The following PIEZO2 variants were observed in gnomAD, a reference collection of about 807,000 sequenced individuals.
The protein encoded by PIEZO2 is piezo-type mechanosensitive ion channel component 2.
In PIEZO2, 172 loss-of-function variants were observed where a neutral mutation model predicts 337.3. The observed-to-expected ratio is 0.51, with a 90% CI of 0.45 to 0.58. The LOEUF (loss-of-function observed/expected upper bound fraction) is 0.58. Among genes scored for constraint, PIEZO2 ranks in the 20% least tolerant of loss-of-function variants. The pLI is 0.00. For synonymous variants in PIEZO2, 1,251 were observed against 1,228.5 expected, an observed-to-expected ratio of 1.02 and a Z score of -0.38; for missense variants, 3,028 against 3,391.3, an observed-to-expected ratio of 0.89 and a Z score of 2.66.
chr18:10,979,808 A>G lies in PIEZO2; in HGVS notation c.161-148T>C. On this transcript the variant is annotated intron_variant, in intron 2 of 55. Transcript: ENST00000674853. The surrounding 1 kb of genome is among the most constrained non-coding windows in gnomAD (Gnocchi z 4.0). ...TAATTATCATCTTAATTATTAGTCT[A>G]TAGCTAAATGGTATCTTATTCCCTT... 1.5e-6 allele frequency: 1 copy of G among 677,430 alleles called. No individual in the cohort carries two copies. Among genetic ancestry groups the G allele is most frequent in the Non-Finnish European group, 2.2e-6 (1 of 460,554 alleles). The allele number at this position is 677,430 out of a possible 1,614,324, so 42.0% of individuals were successfully genotyped here.
chr18:11,142,376 G>C (rs2040678362), intron 1 of PIEZO2, among the ~76,000 whole-genome samples: 1 of 152,190 alleles, frequency 6.6e-6, no homozygotes, highest in African/African-American at 2.4e-5. Flanking sequence ...TCACGATGTT[G>C]AGTATGTACT....
In PIEZO2 at chr18:10,682,658, G is replaced by GT. The variant is rs1567943225; in HGVS notation, c.7498-367_7498-366insA. The stretch of plus-strand genomic sequence containing the variant: ...TCTGGTTTTAAGGGATTATGTGAGA[G>GT]AAAGATACTTTACTTTCAATTCCTG... On this transcript the variant is annotated intron_variant, in intron 49 of 55. Coordinates refer to ENST00000674853, the MANE Select transcript of PIEZO2 (RefSeq NM_001378183.1). This position sits in a 1 kb window ranked among gnomAD's most constrained non-coding sequence, Gnocchi z 5.6. 2.6e-5 allele frequency among the ~76,000 whole-genome samples: 4 copies of GT among 152,208 alleles called. No homozygotes were observed. Among genetic ancestry groups the GT allele is most frequent in the Non-Finnish European group, 5.9e-5 (4 of 68,044 alleles).
intron 2 of PIEZO2, among the ~76,000 whole-genome samples, chr18:11,043,992 C>T (rs1468311452): frequency 6.6e-6 from 1 of 151,850 alleles, no homozygotes; most frequent in African/African-American, 2.4e-5. Flanking sequence ...AAAAAGAATA[C>T]CATTGTAAGT....
intron 35 of PIEZO2, among the ~76,000 whole-genome samples, chr18:10,732,238 C>T (rs745699300): frequency 2.0e-5 from 3 of 152,084 alleles, no homozygotes; most frequent in Non-Finnish European, 4.4e-5. Context: ...GCAGAAAGAA[C>T]AAAAAGAAAA....
At chr18:11,084,285 T>C (rs1043329396) in intron 1 of PIEZO2, among the ~76,000 whole-genome samples, 1 of 152,154 alleles carries the variant, frequency 6.6e-6, no homozygotes, top group African/African-American at 2.4e-5. Context: ...TTATCATCCT[T>C]TGTTGAATCA....
In PIEZO2 at chr18:10,828,353, A is replaced by G. The variant is rs1158003249; in HGVS notation, c.918-21079T>C. On this transcript the variant is annotated intron_variant, in intron 7 of 55. Coordinates refer to ENST00000674853, the MANE Select transcript of PIEZO2 (RefSeq NM_001378183.1). The surrounding 1 kb of genome is among the most constrained non-coding windows in gnomAD (Gnocchi z 4.1). ...ATGCCCACTAACTAACCTGGACATC[A>G]GACAACGAACCTCTTCAGAATGAGA... Among the ~76,000 whole-genome samples, 1 of 152,200 alleles carries G rather than the reference A, an allele frequency of 6.6e-6. No homozygotes were observed. The highest frequency in any genetic ancestry group is 2.4e-5 in the African/African-American group (1 of 41,458).
chr18:10,839,540 G>A (rs1488058946), intron 7 of PIEZO2, among the ~76,000 whole-genome samples: 1 of 151,858 alleles, frequency 6.6e-6, no homozygotes, highest in African/African-American at 2.4e-5. Flanking sequence ...TCCTCCCATA[G>A]AATTACTTTG....
At chr18:11,124,515 T>G (rs146824590) in intron 1 of PIEZO2, among the ~76,000 whole-genome samples, 1 of 152,324 alleles carries the variant, frequency 6.6e-6, no homozygotes, top group African/African-American at 2.4e-5. Context: ...ACGTGCCGAA[T>G]GGTCAGCACC....
chr18:10,975,801 T>C (rs1598769966), intron 3 of PIEZO2, among the ~76,000 whole-genome samples: 1 of 152,190 alleles, frequency 6.6e-6, no homozygotes, highest in East Asian at 1.9e-4. Context: ...AAATGAGCGC[T>C]TGGTGGTCTT....
In PIEZO2 at chr18:10,846,713, C is replaced by T. The variant is rs2041376690; in HGVS notation, c.917+8640G>A. Among the ~76,000 whole-genome samples, 1 of 152,074 alleles carries T rather than the reference C, an allele frequency of 6.6e-6. No homozygotes were observed. Among genetic ancestry groups the T allele is most frequent in the African/African-American group, 2.4e-5 (1 of 41,396 alleles). On this transcript the variant is annotated intron_variant, in intron 7 of 55. Transcript: ENST00000674853. This position sits in a 1 kb window ranked among gnomAD's most constrained non-coding sequence, Gnocchi z 4.1. ...AATTGCCTACAAGATAATTTTCCTT[C>T]CTTATAAAGGAAGATGGAAGGTTCT...
rs1568056934 is a variant in PIEZO2, at chr18:10,787,103, T to C, written c.2251A>G (p.Ile751Val). 6.5e-7 allele frequency: 1 copy of C among 1,535,726 alleles called. No individual in the cohort carries two copies. Among genetic ancestry groups the C allele is most frequent in the South Asian group, 1.2e-5 (1 of 83,918 alleles). The stretch of plus-strand genomic sequence containing the variant: ...AAGTTCTCAAACTGATATGTGTATA[T>C]AAAGATAAGCACCAGCATAGTGTAA... ...VIYTMLVLIF[I>V]YTYQFENFPG... Residue 751 changes from isoleucine to valine, a missense_variant, in exon 16 of 56, where the codon ATA becomes GTA. By Grantham distance (29) the Ile-to-Val change is conservative. Around this residue, in one of 5 missense-constraint regions of PIEZO2, gnomAD observed 1,925 missense variants for 2,051.9 expected, o/e 0.94. Transcript: ENST00000674853.
intron 18 of PIEZO2, among the ~76,000 whole-genome samples, chr18:10,778,295 T>C (rs895851665): frequency 3.3e-5 from 5 of 152,126 alleles, no homozygotes; most frequent in Admixed American, 3.3e-4. Context: ...GGGACAGGCT[T>C]GTTTGATAAC....
At chr18:10,880,004 T>C (rs1355422890) in intron 4 of PIEZO2, among the ~76,000 whole-genome samples, 1 of 152,196 alleles carries the variant, frequency 6.6e-6, no homozygotes, top group Non-Finnish European at 1.5e-5. Flanking sequence ...GACAAACACC[T>C]ATTTCAGCGC....
At chr18:10,926,251 C>T (rs1479523360) in intron 3 of PIEZO2, among the ~76,000 whole-genome samples, 1 of 152,166 alleles carries the variant, frequency 6.6e-6, no homozygotes, top group African/African-American at 2.4e-5. Flanking sequence ...GGCAGCTGCT[C>T]GGGATCTCTA....
chr18:10,979,194 T>C lies in PIEZO2; in HGVS notation c.286+341A>G, dbSNP rs2034566507. On this transcript the variant is annotated intron_variant, in intron 3 of 55. Transcript: ENST00000674853. The surrounding 1 kb of genome is among the most constrained non-coding windows in gnomAD (Gnocchi z 4.0). ...ATTCTATTCATCATGTTAGAAATTG[T>C]ACCTTTTTTTTTTTTTACTCGCTGT... is the stretch of plus-strand genomic sequence containing the variant. Among the ~76,000 whole-genome samples the C allele has an allele frequency of 6.7e-6, 1 of 150,142 alleles. No homozygotes were observed. The highest frequency in any genetic ancestry group is 2.1e-4 in the South Asian group (1 of 4,814).
chr18:10,834,026 AT>A lies in PIEZO2; in HGVS notation c.917+21326del, dbSNP rs1378558611. 2.0e-5 allele frequency among the ~76,000 whole-genome samples: 3 copies of A among 152,136 alleles called. No homozygotes were observed. The highest frequency in any genetic ancestry group is 4.8e-5 in the African/African-American group (2 of 41,420). Reference sequence around the variant, plus strand: ...ACATTTTAAGCTAATTTCTGTTTTTATTTTTTATGGGTAAGTGTATATGGGG... The same window carrying A: ...ACATTTTAAGCTAATTTCTGTTTTTATTTTTATGGGTAAGTGTATATGGGG... On this transcript the variant is annotated intron_variant, in intron 7 of 55. Coordinates refer to ENST00000674853, the MANE Select transcript of PIEZO2 (RefSeq NM_001378183.1). This position sits in a 1 kb window ranked among gnomAD's most constrained non-coding sequence, Gnocchi z 4.5.
chr18:10,860,697 G>C (rs2041849167), intron 5 of PIEZO2, among the ~76,000 whole-genome samples: 1 of 152,118 alleles, frequency 6.6e-6, no homozygotes, highest in African/African-American at 2.4e-5. Context: ...GGGCCTCCTG[G>C]GTCACAGTCA....
In PIEZO2 at chr18:10,993,984, G is replaced by A. The variant is rs560088018; in HGVS notation, c.161-14324C>T. 3.3e-5 allele frequency among the ~76,000 whole-genome samples: 5 copies of A among 152,028 alleles called. No homozygotes were observed. In the South Asian group the frequency reaches 8.3e-4, roughly 25 times the overall value. ...AAGAAGTATACACTGAAGCCAATTT[G>A]TATGCTTTTATCCCTCGCCCCTTCC... On this transcript the variant is annotated intron_variant, in intron 2 of 55. Transcript: ENST00000674853. The surrounding 1 kb of genome is among the most constrained non-coding windows in gnomAD (Gnocchi z 5.0).
Position 10,773,835 on chromosome 18 carries a change from G to C in PIEZO2, c.2567+171C>G, listed in dbSNP as rs2038691506. 1.3e-5 allele frequency among the ~76,000 whole-genome samples: 2 copies of C among 152,214 alleles called. No individual in the cohort carries two copies. The highest frequency in any genetic ancestry group is 4.8e-5 in the African/African-American group (2 of 41,452). On this transcript the variant is annotated intron_variant, in intron 19 of 55. Transcript: ENST00000674853. The surrounding 1 kb of genome is among the most constrained non-coding windows in gnomAD (Gnocchi z 5.3). ...TAAAAACAAACTGTAAACTTGGTTA[G>C]GTTTTGTTAGCTTTTTTAATTCGGG...
Sources: gnomAD v4.1 joint callset for allele counts (sites outside exome capture counted in the v4.1 genomes callset) on GRCh38, gnomAD v4.1.1 for gene constraint, gnomAD v4.1.1 regional missense constraint, Gnocchi (gnomAD v3.1) non-coding constraint, MANE v1.5 for transcripts, NCBI Gene and HGNC (gene_info 2026-07-23, HGNC 2026-07-21) for gene names.